Variants in RALGAPA2 observed in about 807,000 individuals in gnomAD.
RALGAPA2 encodes the protein ral GTPase-activating protein subunit alpha-2.
In RALGAPA2, 139 loss-of-function variants were observed where a neutral mutation model predicts 230.4. The observed-to-expected ratio is 0.60, with a 90% confidence interval of 0.53 to 0.69. The LOEUF (loss-of-function observed/expected upper bound fraction) is 0.69, where lower values mean the gene tolerates loss of function less well. Ranked by LOEUF, RALGAPA2 falls within the 30% of genes least tolerant of loss-of-function variation. The pLI, the probability that RALGAPA2 is intolerant of heterozygous loss-of-function variation, is 0.00. For synonymous variants in RALGAPA2, 847 were observed against 837.8 expected, an observed-to-expected ratio of 1.01 and a Z score of -0.19; for missense variants, 2,163 against 2,276.0, an observed-to-expected ratio of 0.95 and a Z score of 1.01.
intron 37 of RALGAPA2, 28 bp from the exon 38 acceptor site, chr20:20,412,176 G>A: frequency 6.2e-7 from 1 of 1,612,494 alleles, no homozygotes; most frequent in Non-Finnish European, 8.5e-7. Flanking sequence ...GGAAACAAGT[G>A]CACGTGCAAA....
intron 27 of RALGAPA2, among the ~76,000 whole-genome samples, chr20:20,530,833 C>G (rs900390696): frequency 1.1e-4 from 17 of 152,168 alleles, no homozygotes; most frequent in South Asian, 6.2e-4. Context: ...AGGACGCTTA[C>G]CCCTGAACTA....
In RALGAPA2 at chr20:20,519,910, C is replaced by T. The variant is rs190073883; in HGVS notation, c.4084+1007G>A. Among the ~76,000 whole-genome samples the T allele has an allele frequency of 4.9e-3, 747 of 151,936 alleles. 5 individuals carry two copies. Among genetic ancestry groups the T allele is most frequent in the African/African-American group, 0.017 (710 of 41,386 alleles). ...TTTTTAAGATAGAGTCTCACTCTGTCGCTCAAGCTAGAGTGCAGTGGCGCT... is the reference window on the plus strand; with the variant it reads ...TTTTTAAGATAGAGTCTCACTCTGTTGCTCAAGCTAGAGTGCAGTGGCGCT... On this transcript the variant is annotated intron_variant, in intron 31 of 39. Coordinates refer to ENST00000202677, the MANE Select transcript of RALGAPA2 (RefSeq NM_020343.4).
At chr20:20,695,379 A>C (rs2069071178) in intron 1 of RALGAPA2, among the ~76,000 whole-genome samples, 2 of 152,234 alleles carry the variant, frequency 1.3e-5, no homozygotes, top group African/African-American at 4.8e-5. Flanking sequence ...CCAGCCATTC[A>C]GCAGCTAGCA....
chr20:20,527,169 T>C (rs1036792263), intron 27 of RALGAPA2, among the ~76,000 whole-genome samples: 2 of 152,164 alleles, frequency 1.3e-5, no homozygotes, highest in African/African-American at 4.8e-5. Flanking sequence ...TCGCTGACCC[T>C]AGTCTAGGGA....
intron 36 of RALGAPA2, among the ~76,000 whole-genome samples, chr20:20,486,808 A>G (rs1193603843): frequency 1.3e-5 from 2 of 152,162 alleles, no homozygotes; most frequent in Non-Finnish European, 2.9e-5. Flanking sequence ...GTTTCTACTG[A>G]CACATCCACA....
chr20:20,591,615 G>C (rs989752403), intron 16 of RALGAPA2, among the ~76,000 whole-genome samples: 1 of 151,966 alleles, frequency 6.6e-6, no homozygotes, highest in African/African-American at 2.4e-5. Context: ...TCAGGGCCAG[G>C]CATGCCAAGG....
rs114580726 is a variant in RALGAPA2, at chr20:20,395,502, G to C, written c.*35+1193C>G. Among the ~76,000 whole-genome samples the C allele has an allele frequency of 6.2e-3, 938 of 152,334 alleles. 12 individuals are homozygous for C. The highest frequency in any genetic ancestry group is 0.022 in the African/African-American group (901 of 41,578). ...GGAGCAGGAGGACATGCATGGAGAC[G>C]GGGGTCTCGGCAAATGCGAAGTTTT... is the stretch of plus-strand genomic sequence containing the variant. On this transcript the variant is annotated intron_variant, in intron 39 of 39. Coordinates refer to ENST00000202677, the MANE Select transcript of RALGAPA2 (RefSeq NM_020343.4).
intron 36 of RALGAPA2, among the ~76,000 whole-genome samples, chr20:20,484,751 G>T (rs1049316855): frequency 6.6e-6 from 1 of 152,132 alleles, no homozygotes; most frequent in African/African-American, 2.4e-5. Flanking sequence ...TAGACAAGGG[G>T]TTTAAAAGCC....
intron 37 of RALGAPA2, among the ~76,000 whole-genome samples, chr20:20,465,290 G>C (rs2061396226): frequency 6.6e-6 from 1 of 152,042 alleles, no homozygotes; most frequent in African/African-American, 2.4e-5. Flanking sequence ...TGAGACAGAG[G>C]ATAGAGGAGG....
In RALGAPA2 at chr20:20,616,281, A is replaced by G. The variant is rs939306670; in HGVS notation, c.1540-90T>C. Reference sequence around the variant, plus strand: ...TACAGATATTAATTTCACTCTACCAATGAAATCATTTTTCAGTTATTTCCA... The same window carrying G: ...TACAGATATTAATTTCACTCTACCAGTGAAATCATTTTTCAGTTATTTCCA... On this transcript the variant is annotated intron_variant, in intron 12 of 39. Coordinates refer to ENST00000202677, the MANE Select transcript of RALGAPA2 (RefSeq NM_020343.4). The G allele has an allele frequency of 3.1e-6, 3 of 981,442 alleles. No homozygotes were observed. In the African/African-American group the frequency reaches 5.0e-5, roughly 16 times the overall value. 60.8% of individuals were successfully genotyped at this position (981,442 alleles called of 1,614,324 possible). A position where few individuals can be genotyped will look rare whatever the true frequency, so the allele number is the denominator to read the frequency against.
intron 1 of RALGAPA2, among the ~76,000 whole-genome samples, chr20:20,697,853 A>G (rs1160505811): frequency 6.6e-6 from 1 of 152,202 alleles, no homozygotes; most frequent in Non-Finnish European, 1.5e-5. Flanking sequence ...GGGAGGTGGG[A>G]AAAGAGAGTG....
chr20:20,510,629 T>C (rs1052929914), intron 33 of RALGAPA2, among the ~76,000 whole-genome samples: 2 of 152,172 alleles, frequency 1.3e-5, no homozygotes, highest in African/African-American at 4.8e-5. Flanking sequence ...CTATACTTAT[T>C]CTTGACTTAG....
intron 37 of RALGAPA2, among the ~76,000 whole-genome samples, chr20:20,466,548 A>G (rs139823675): frequency 5.3e-5 from 8 of 152,268 alleles, no homozygotes; most frequent in Admixed American, 3.9e-4. Flanking sequence ...TTTGGTTACA[A>G]TTTCTCTGGA....
chr20:20,549,598 G>A (rs374212854), intron 23 of RALGAPA2, among the ~76,000 whole-genome samples: 9 of 152,240 alleles, frequency 5.9e-5, no homozygotes, highest in Admixed American at 2.6e-4. Context: ...GCCTGCTTCC[G>A]TTGCTTCTCC....
chr20:20,606,628 C>T (rs546761067), intron 14 of RALGAPA2, among the ~76,000 whole-genome samples: 1 of 152,224 alleles, frequency 6.6e-6, no homozygotes, highest in Admixed American at 6.5e-5. Context: ...GTATCCTTGA[C>T]TATCTCCCCA....
intron 36 of RALGAPA2, among the ~76,000 whole-genome samples, chr20:20,484,534 T>C (rs1259146600): frequency 6.6e-6 from 1 of 152,110 alleles, no homozygotes; most frequent in East Asian, 1.9e-4. Flanking sequence ...CGGAAAGGGA[T>C]TTCCAAATAG....
chr20:20,619,124 G>A (rs1177393072), intron 12 of RALGAPA2, among the ~76,000 whole-genome samples, 153 bp downstream of exon 12: 1 of 152,206 alleles, frequency 6.6e-6, no homozygotes, highest in African/African-American at 2.4e-5. Flanking sequence ...GAATGAGAAT[G>A]TAATAGCTAA....
At chr20:20,466,856 C>T (rs533919235) in intron 37 of RALGAPA2, among the ~76,000 whole-genome samples, 1 of 152,208 alleles carries the variant, frequency 6.6e-6, no homozygotes, top group African/African-American at 2.4e-5. Context: ...CAGTACATAA[C>T]GTTACATTTT....
chr20:20,616,428 A>G (rs1187804697), intron 12 of RALGAPA2, among the ~76,000 whole-genome samples: 3 of 152,224 alleles, frequency 2.0e-5, no homozygotes, highest in Non-Finnish European at 4.4e-5. Flanking sequence ...GGGAAAAGAA[A>G]AAATCACTAT....
Sources: gnomAD v4.1 joint callset for allele counts (sites outside exome capture counted in the v4.1 genomes callset) on GRCh38, gnomAD v4.1.1 for gene constraint, MANE v1.5 for transcripts, NCBI Gene and HGNC (gene_info 2026-07-23, HGNC 2026-07-21) for gene names.